Variants in DPYS observed in about 807,000 individuals in gnomAD.
DPYS encodes the protein dihydropyrimidinase.
DPYS carries 39 observed loss-of-function variants against 50.3 expected under a neutral mutation model. The observed-to-expected ratio is 0.78, with a 90% confidence interval of 0.60 to 1.01. The LOEUF (loss-of-function observed/expected upper bound fraction) is 1.01, where lower values mean the gene tolerates loss of function less well. DPYS is among the 50% of genes least tolerant of loss of function. The pLI is 0.00. For synonymous variants in DPYS, 245 were observed against 250.7 expected (o/e 0.98, Z 0.22); for missense variants, 659 against 680.9 (o/e 0.97, Z 0.36).
At chr8:104,450,379 C>T (rs1813696619) in intron 2 of DPYS, among the ~76,000 whole-genome samples, 1 of 151,988 alleles carries the variant, frequency 6.6e-6, no homozygotes, top group South Asian at 2.1e-4. Context: ...GTCTAAAGCC[C>T]GAGTTTGTGG....
intron 1 of DPYS, among the ~76,000 whole-genome samples, chr8:104,465,962 C>A (rs769332557): frequency 2.0e-5 from 3 of 151,940 alleles, no homozygotes; most frequent in Non-Finnish European, 2.9e-5. Context: ...GAGAAAAGAG[C>A]CTGCTGCGAG....
intron 7 of DPYS, among the ~76,000 whole-genome samples, chr8:104,412,041 A>G (rs1812199693): frequency 6.6e-6 from 1 of 152,182 alleles, no homozygotes; most frequent in Non-Finnish European, 1.5e-5. Flanking sequence ...TCTCCTTCCC[A>G]TGTGCTCTCT....
chr8:104,396,541 A>G (rs965065861), intron 7 of DPYS, among the ~76,000 whole-genome samples: 1 of 152,232 alleles, frequency 6.6e-6, no homozygotes, highest in African/African-American at 2.4e-5. Flanking sequence ...GAAAGACTAG[A>G]ATTAAAAATA....
intron 7 of DPYS, among the ~76,000 whole-genome samples, chr8:104,401,267 T>C (rs1201028829): frequency 1.3e-5 from 2 of 150,824 alleles, no homozygotes; most frequent in African/African-American, 2.4e-5. Flanking sequence ...ATAATAATCA[T>C]GACATCTTCC....
intron 1 of DPYS, among the ~76,000 whole-genome samples, chr8:104,455,016 G>T (rs1374292842): frequency 6.6e-6 from 1 of 152,128 alleles, no homozygotes; most frequent in Non-Finnish European, 1.5e-5. Context: ...TTTTAGGGTG[G>T]TGAATACTGA....
At chr8:104,390,542 G>T (rs1458421609) in intron 8 of DPYS, among the ~76,000 whole-genome samples, 9 of 150,294 alleles carry the variant, frequency 6.0e-5, no homozygotes, top group Admixed American at 5.9e-4. Flanking sequence ...CTGTCGCCCA[G>T]GCTGGAGTGC....
intron 3 of DPYS, 144 bp from the exon 4 acceptor site, chr8:104,444,581 T>C (rs1291913992): frequency 1.4e-6 from 1 of 740,008 alleles, no homozygotes; most frequent in African/African-American, 1.8e-5. Context: ...TGTGTGTATA[T>C]GAACATATTT....
chr8:104,457,439 G>A (rs544032898), intron 1 of DPYS, among the ~76,000 whole-genome samples: 1 of 152,242 alleles, frequency 6.6e-6, no homozygotes, highest in African/African-American at 2.4e-5. Flanking sequence ...AAGTTTTTTG[G>A]ACTACAGTTG....
At chr8:104,416,077 T>C (rs1043891412) in intron 7 of DPYS, among the ~76,000 whole-genome samples, 26 of 152,082 alleles carry the variant, frequency 1.7e-4, no homozygotes, top group Admixed American at 1.5e-3. Context: ...AATAAAAAAA[T>C]TGAAATTCAG....
At chr8:104,388,143 G>A (rs925660219) in intron 8 of DPYS, among the ~76,000 whole-genome samples, 1 of 152,114 alleles carries the variant, frequency 6.6e-6, no homozygotes, top group East Asian at 1.9e-4. Flanking sequence ...ATTGACAAAT[G>A]GTTATTTCAG....
intron 1 of DPYS, among the ~76,000 whole-genome samples, chr8:104,463,341 T>G (rs1814237051): frequency 6.6e-6 from 1 of 152,216 alleles, no homozygotes; most frequent in Admixed American, 6.5e-5. Flanking sequence ...TTTAGGAAAG[T>G]GAAGAGTTAC....
intron 1 of DPYS, among the ~76,000 whole-genome samples, chr8:104,456,851 G>A (rs923764068): frequency 1.3e-5 from 2 of 152,188 alleles, no homozygotes; most frequent in African/African-American, 2.4e-5. Context: ...ACTGCTTCCA[G>A]AAGAAATGCA....
In DPYS at chr8:104,455,301, G is replaced by T. The variant is rs940312382; in HGVS notation, c.265-3897C>A. On this transcript the variant is annotated intron_variant, in intron 1 of 9. Transcript: ENST00000351513. The stretch of plus-strand genomic sequence containing the variant: ...AGAGACGCTCTGAGGAAGAAGATCT[G>T]GGGGGAAGAGGTAGCAGCTCAGCAG... 7.2e-5 allele frequency among the ~76,000 whole-genome samples: 11 copies of T among 152,254 alleles called. No individual in the cohort carries two copies. In the South Asian group the frequency reaches 2.1e-3, roughly 29 times the overall value.
chr8:104,395,102 C>A (rs117818798), intron 7 of DPYS, among the ~76,000 whole-genome samples: 6,798 of 151,700 alleles, frequency 0.045, 230 homozygotes, highest in Non-Finnish European at 0.072. Context: ...TTCAAGCGAT[C>A]CTCCCACCTC....
At chr8:104,464,968 C>A (rs1374104427) in intron 1 of DPYS, among the ~76,000 whole-genome samples, 5 of 152,148 alleles carry the variant, frequency 3.3e-5, no homozygotes, top group Non-Finnish European at 7.3e-5. Context: ...AACAATCTGT[C>A]CTACAAAAGA....
At chr8:104,396,566 A>C (rs1811592673) in intron 7 of DPYS, among the ~76,000 whole-genome samples, 1 of 152,198 alleles carries the variant, frequency 6.6e-6, no homozygotes, top group Admixed American at 6.5e-5. Context: ...GGGAAGCAAA[A>C]ACCCTGACAA....
intron 8 of DPYS, among the ~76,000 whole-genome samples, chr8:104,382,667 T>TA (rs1257248489): frequency 2.0e-5 from 3 of 151,610 alleles, no homozygotes; most frequent in Non-Finnish European, 4.4e-5. Context: ...AAAAGGGCAC[T>TA]AAACATAATT....
chr8:104,423,472 C>G (rs530423218), intron 7 of DPYS, among the ~76,000 whole-genome samples: 1 of 152,190 alleles, frequency 6.6e-6, no homozygotes, highest in East Asian at 1.9e-4. Flanking sequence ...AAACCGTAGA[C>G]TTTTTCTTAC....
At chr8:104,380,140 A>G (rs1028683800) in intron 9 of DPYS, among the ~76,000 whole-genome samples, 1 of 152,222 alleles carries the variant, frequency 6.6e-6, no homozygotes, top group African/African-American at 2.4e-5. Context: ...CAATAATGAA[A>G]GAACATGGCA....
Sources: allele counts gnomAD v4.1 joint callset (sites outside exome capture counted in the v4.1 genomes callset), GRCh38; gene constraint gnomAD v4.1.1; transcripts MANE v1.5; gene names NCBI Gene and HGNC (gene_info 2026-07-23, HGNC 2026-07-21).